ETS1: variants seen among roughly 807,000 people sequenced by gnomAD.
ETS1 encodes ETS proto-oncogene 1, transcription factor.
ETS1 carries 15 observed loss-of-function variants against 58.6 expected under a neutral mutation model. The ratio of observed to expected loss-of-function variants is 0.26; its 90% CI spans 0.17 to 0.39. The LOEUF is 0.39. Ranked by LOEUF, ETS1 falls within the 10% of genes least tolerant of loss-of-function variation. The pLI is 1.00. For synonymous variants in ETS1, 214 were observed against 218.2 expected, an observed-to-expected ratio of 0.98 and a Z score of 0.17; for missense variants, 417 against 610.5, an observed-to-expected ratio of 0.68 and a Z score of 3.34.
At chr11:128,531,658 T>A (rs538536366) in intron 3 of ETS1, among the ~76,000 whole-genome samples, 1 of 152,356 alleles carries the variant, frequency 6.6e-6, no homozygotes, top group African/African-American at 2.4e-5. Context: ...AAAGTTCTAA[T>A]CATATACTCA....
chr11:128,503,829 T>A (rs1863154606), intron 3 of ETS1, among the ~76,000 whole-genome samples: 3 of 152,062 alleles, frequency 2.0e-5, no homozygotes, highest in Non-Finnish European at 4.4e-5. Context: ...AAGGCTGACA[T>A]CAGAGAAGAT....
At chr11:128,532,500 G>A (rs931549934) in intron 3 of ETS1, among the ~76,000 whole-genome samples, 13 of 152,212 alleles carry the variant, frequency 8.5e-5, no homozygotes, top group African/African-American at 2.4e-5. Context: ...GTATCATTGG[G>A]AAAGCAGACT....
intron 3 of ETS1, among the ~76,000 whole-genome samples, chr11:128,553,178 C>T (rs1197374126): frequency 6.6e-6 from 1 of 152,100 alleles, no homozygotes; most frequent in Admixed American, 6.5e-5. Context: ...CAGCACTCAG[C>T]CCCATTGGCT....
intron 5 of ETS1, among the ~76,000 whole-genome samples, chr11:128,488,726 T>G (rs1862708147): frequency 6.6e-6 from 1 of 152,154 alleles, no homozygotes; most frequent in Admixed American, 6.5e-5. Context: ...GGCCATGTCA[T>G]TATAAGGTTG....
rs1179787335 is a variant in ETS1 at position 128,532,655 on chromosome 11, T to TCCTTTTTTTTTTTCC, written c.214+23621_214+23635dup. Among the ~76,000 whole-genome samples, 615 of 150,634 alleles carry TCCTTTTTTTTTTTCC rather than the reference T, an allele frequency of 4.1e-3. 2 individuals are homozygous for TCCTTTTTTTTTTTCC. Among genetic ancestry groups the TCCTTTTTTTTTTTCC allele is most frequent in the Non-Finnish European group, 5.4e-3 (368 of 67,696 alleles). On this transcript the variant is annotated intron_variant, in intron 3 of 9. Coordinates refer to ENST00000392668, the MANE Select transcript of ETS1 (RefSeq NM_001143820.2). ...TGTACATGGCTGAGTCCTCTTGCTC[T>TCCTTTTTTTTTTTCC]CCTTTTTTTTTTTCCCCAGTGACTT...
chr11:128,541,543 A>G (rs897160649), intron 3 of ETS1, among the ~76,000 whole-genome samples: 15 of 152,182 alleles, frequency 9.9e-5, no homozygotes, highest in African/African-American at 2.4e-5. Flanking sequence ...CATAACACAA[A>G]AAGTCTTCTG....
chr11:128,498,617 G>A (rs1157065618), intron 3 of ETS1, among the ~76,000 whole-genome samples: 3 of 152,134 alleles, frequency 2.0e-5, no homozygotes, highest in Admixed American at 6.5e-5. Flanking sequence ...CAAAGCAAAA[G>A]TATAATTTTA....
At chr11:128,516,724 A>C (rs1467736869) in intron 3 of ETS1, among the ~76,000 whole-genome samples, 1 of 152,216 alleles carries the variant, frequency 6.6e-6, no homozygotes, top group Non-Finnish European at 1.5e-5. Flanking sequence ...TTTTTAAAAA[A>C]AACTAAATTT....
chr11:128,462,801 T>C (rs1262407153), intron 9 of ETS1, among the ~76,000 whole-genome samples: 3 of 152,196 alleles, frequency 2.0e-5, no homozygotes, highest in Admixed American at 2.0e-4. Flanking sequence ...ATTCTTTAAG[T>C]TGATGAAAAC....
intron 3 of ETS1, among the ~76,000 whole-genome samples, chr11:128,545,256 T>G (rs528169214): frequency 6.6e-6 from 1 of 152,264 alleles, no homozygotes; most frequent in East Asian, 1.9e-4. Flanking sequence ...TACATCCCTG[T>G]GGAATTTTCA....
At chr11:128,478,332 AAGGAAGG>A (rs1466919819) in intron 8 of ETS1, among the ~76,000 whole-genome samples, 5 of 44,564 alleles carry the variant, frequency 1.1e-4, no homozygotes, top group Non-Finnish European at 1.6e-4. Context: ...AGAAGGAAGG[AAGGAAGG>A]AGGAAGGAAG....
In ETS1 at chr11:128,480,279, C is replaced by T. The variant is rs1293922369; in HGVS notation, c.1035G>A (p.Lys345=). The T allele has an allele frequency of 1.2e-6, 2 of 1,613,936 alleles. No individual in the cohort carries two copies. The highest frequency in any genetic ancestry group is 2.2e-5 in the East Asian group (1 of 44,860). Residue 345 remains lysine, a synonymous_variant, in exon 8 of 10, where the codon AAG becomes AAA. Coordinates refer to ENST00000392668, the MANE Select transcript of ETS1 (RefSeq NM_001143820.2). ...YPAALPNHKP[K]GTFKDYVRDR... ...CCCGCACATAGTCCTTGAAGGTGCC[C>T]TTGGGCTTGTGGTTGGGCAGGGCAG...
intron 2 of ETS1, among the ~76,000 whole-genome samples, chr11:128,569,318 C>CTTTTTTTTTTTTCTTTTTTTTTTTT (rs1864575984): frequency 2.5e-5 from 1 of 39,462 alleles, no homozygotes; most frequent in African/African-American, 1.1e-4. Context: ...AGAGTTTCTT[C>CTTTTTTTTTTTTCTTTTTTTTTTTT]TTTTTTTTTT....
At chr11:128,586,972 G>A (rs1488715527) in intron 1 of ETS1, among the ~76,000 whole-genome samples, 1 of 152,130 alleles carries the variant, frequency 6.6e-6, no homozygotes, top group African/African-American at 2.4e-5. Flanking sequence ...TCAGTCCCAA[G>A]ACAGAGAAAA....
At chr11:128,518,756 A>G (rs558796530) in intron 3 of ETS1, among the ~76,000 whole-genome samples, 42 of 152,374 alleles carry the variant, frequency 2.8e-4, no homozygotes, top group East Asian at 9.6e-4. Context: ...AGAAACAAAG[A>G]CTGACCAAGC....
At chr11:128,511,022 A>G (rs1349401968) in intron 3 of ETS1, among the ~76,000 whole-genome samples, 2 of 152,254 alleles carry the variant, frequency 1.3e-5, no homozygotes, top group Admixed American at 6.5e-5. Flanking sequence ...TATGTCCCAA[A>G]TGGAAACTAG....
At chr11:128,510,698 A>G (rs924973846) in intron 3 of ETS1, among the ~76,000 whole-genome samples, 1 of 152,220 alleles carries the variant, frequency 6.6e-6, no homozygotes, top group Non-Finnish European at 1.5e-5. Flanking sequence ...CATGCTTGCT[A>G]TAATCAGGTG....
chr11:128,554,255 G>A (rs538208119), intron 3 of ETS1, among the ~76,000 whole-genome samples: 53 of 152,200 alleles, frequency 3.5e-4, no homozygotes, highest in African/African-American at 1.2e-3. Flanking sequence ...TGAAGAGATT[G>A]CCCCCAACTG....
intron 8 of ETS1, among the ~76,000 whole-genome samples, chr11:128,471,523 T>C (rs1862187396): frequency 6.6e-6 from 1 of 152,216 alleles, no homozygotes; most frequent in South Asian, 2.1e-4. Context: ...GTCTAACACA[T>C]TCAAGCTAAC....
Sources: allele counts gnomAD v4.1 joint callset (sites outside exome capture counted in the v4.1 genomes callset), GRCh38; gene constraint gnomAD v4.1.1; transcripts MANE v1.5; gene names NCBI Gene and HGNC (gene_info 2026-07-23, HGNC 2026-07-21).